The following PHACTR1 variants were observed in gnomAD, a reference collection of about 807,000 sequenced individuals.
PHACTR1 encodes the protein RPEL repeat containing 1.
In PHACTR1, 16 loss-of-function variants were observed where a neutral mutation model predicts 69.2. That is an observed-to-expected ratio of 0.23 (90% CI 0.16 to 0.35). PHACTR1 has a LOEUF of 0.35. Ranked by LOEUF, PHACTR1 falls within the 10% of genes least tolerant of loss-of-function variation. The pLI is 1.00. For synonymous variants in PHACTR1, 312 were observed against 284.5 expected (o/e 1.10, Z -0.97); for missense variants, 510 against 734.7 (o/e 0.69, Z 3.54).
chr6:13,061,940 C>T lies in PHACTR1; in HGVS notation c.415+8411C>T, dbSNP rs571224941. 3.3e-5 allele frequency among the ~76,000 whole-genome samples: 5 copies of T among 152,196 alleles called. No individual in the cohort carries two copies. In the East Asian group the frequency reaches 7.7e-4, roughly 23 times the overall value. On this transcript the variant is annotated intron_variant, in intron 5 of 14. Coordinates refer to ENST00000332995, the MANE Select transcript of PHACTR1 (RefSeq NM_030948.6). ...TGTTTCGCTCCAGCTATTAGGAGAC[C>T]CACCTAATATAGGTAAAGTAGTACG... is the stretch of plus-strand genomic sequence containing the variant.
intron 6 of PHACTR1, among the ~76,000 whole-genome samples, chr6:13,161,186 C>T (rs1030189513): frequency 1.1e-4 from 17 of 152,124 alleles, no homozygotes; most frequent in African/African-American, 4.1e-4. Context: ...ACTATGTTGC[C>T]CAGGCTGGTC....
chr6:12,848,545 G>T (rs1779520279), intron 4 of PHACTR1, among the ~76,000 whole-genome samples: 1 of 152,144 alleles, frequency 6.6e-6, no homozygotes, highest in Non-Finnish European at 1.5e-5. Flanking sequence ...GAGGGGAGGG[G>T]CATTTGATAA....
chr6:12,910,320 T>C (rs1364009234), intron 4 of PHACTR1, among the ~76,000 whole-genome samples: 1 of 152,192 alleles, frequency 6.6e-6, no homozygotes, highest in African/African-American at 2.4e-5. Context: ...TGTCTCCCAC[T>C]TGCCAGTTCA....
chr6:13,112,360 A>G (rs771884193), intron 5 of PHACTR1, among the ~76,000 whole-genome samples: 21 of 152,196 alleles, frequency 1.4e-4, no homozygotes, highest in Non-Finnish European at 2.8e-4. Flanking sequence ...TGTCTTTATA[A>G]TAAAATGATT....
chr6:13,024,094 C>T (rs146931015), intron 4 of PHACTR1, among the ~76,000 whole-genome samples: 2 of 148,778 alleles, frequency 1.3e-5, no homozygotes, highest in Admixed American at 6.7e-5. Flanking sequence ...AAAAAAAAAA[C>T]GGGAATAACA....
chr6:13,059,582 A>G (rs1226600440), intron 5 of PHACTR1, among the ~76,000 whole-genome samples: 1 of 152,196 alleles, frequency 6.6e-6, no homozygotes, highest in African/African-American at 2.4e-5. Flanking sequence ...GGTTGTATGC[A>G]TAGGTCCAAA....
rs1765843367 is a variant in PHACTR1, at chr6:13,205,962, T to G, written c.812T>G (p.Val271Gly). ...GCCCAGAAGAGTGGCCAGCAGGGTGTGGCCCAGCACCACCACACTGTCCTG... is the reference window on the plus strand; with the variant it reads ...GCCCAGAAGAGTGGCCAGCAGGGTGGGGCCCAGCACCACCACACTGTCCTG... ...YTAQKSGQQG[V>G]AQHHHTVLPS... The change falls in exon 8 of 15, where the codon GTG becomes GGG. Residue 271 changes from valine (V) to glycine (G), a missense_variant. Transcript: ENST00000332995. 1 of 1,613,866 alleles carries G rather than the reference T, an allele frequency of 6.2e-7. No individual in the cohort carries two copies. The highest frequency in any genetic ancestry group is 1.3e-5 in the African/African-American group (1 of 74,904).
chr6:13,078,937 G>T (rs1810953405), intron 5 of PHACTR1, among the ~76,000 whole-genome samples: 1 of 152,166 alleles, frequency 6.6e-6, no homozygotes, highest in African/African-American at 2.4e-5. Flanking sequence ...TGCCCATTTT[G>T]CTGTTTGGGG....
chr6:13,096,639 C>G (rs1053121540), intron 5 of PHACTR1, among the ~76,000 whole-genome samples: 1 of 152,136 alleles, frequency 6.6e-6, no homozygotes. Flanking sequence ...TGATGAGACT[C>G]AGGGAATTGA....
chr6:12,830,922 A>G (rs1777497233), intron 4 of PHACTR1, among the ~76,000 whole-genome samples: 1 of 152,096 alleles, frequency 6.6e-6, no homozygotes, highest in Non-Finnish European at 1.5e-5. Flanking sequence ...TTTTGAAAAA[A>G]ATGTTTATGG....
intron 4 of PHACTR1, among the ~76,000 whole-genome samples, chr6:12,781,490 G>T (rs899829232): frequency 2.4e-4 from 36 of 152,192 alleles, no homozygotes; most frequent in African/African-American, 8.7e-4. Flanking sequence ...GCCTACACGG[G>T]CTCTAGGATT....
intron 4 of PHACTR1, among the ~76,000 whole-genome samples, chr6:12,848,668 C>A (rs902079366): frequency 6.6e-6 from 1 of 152,092 alleles, no homozygotes; most frequent in South Asian, 2.1e-4. Context: ...TTACTGATCA[C>A]TTTGAAAATA....
chr6:13,102,431 A>G (rs1419989001), intron 5 of PHACTR1, among the ~76,000 whole-genome samples: 1 of 152,218 alleles, frequency 6.6e-6, no homozygotes, highest in Non-Finnish European at 1.5e-5. Context: ...GGAACCAAAA[A>G]CACAGTGAAT....
At chr6:13,157,845 C>CGCTGTGCT (rs58475436) in intron 5 of PHACTR1, among the ~76,000 whole-genome samples, 6,673 of 152,088 alleles carry the variant, frequency 0.044, 370 homozygotes, top group East Asian at 0.13. Context: ...AGTCTTCTTC[C>CGCTGTGCT]GCTGTGCTGC....
intron 4 of PHACTR1, among the ~76,000 whole-genome samples, chr6:13,007,159 G>T (rs937847887): frequency 6.6e-6 from 1 of 152,094 alleles, no homozygotes; most frequent in Non-Finnish European, 1.5e-5. Context: ...AATTTATGCA[G>T]TCATTCCTTT....
rs1408448147 is a variant in PHACTR1, at chr6:12,796,393, A to G, written c.250+46603A>G. Among the ~76,000 whole-genome samples, 8 of 152,178 alleles carry G rather than the reference A, an allele frequency of 5.3e-5. No individual in the cohort carries two copies. The East Asian group carries it at 1.5e-3, about 29-fold the overall frequency. On this transcript the variant is annotated intron_variant, in intron 4 of 14. Transcript: ENST00000332995. ...TCATGAGACCTTGTTCCCAGTACAG[A>G]CTCTGAACCAGCAGCAGTATTTATC...
At chr6:13,064,563 T>A (rs1416761288) in intron 5 of PHACTR1, among the ~76,000 whole-genome samples, 394 of 2,312 alleles carry the variant, frequency 0.17, 63 homozygotes, top group African/African-American at 0.39. Flanking sequence ...TATATATATA[T>A]ATATATATAT....
At chr6:13,007,070 T>C (rs1378311148) in intron 4 of PHACTR1, among the ~76,000 whole-genome samples, 2 of 152,234 alleles carry the variant, frequency 1.3e-5, no homozygotes, top group Non-Finnish European at 2.9e-5. Flanking sequence ...TTTAACAATA[T>C]ATTGTGGAAA....
chr6:13,062,468 G>A (rs928604643), intron 5 of PHACTR1, among the ~76,000 whole-genome samples: 19 of 152,202 alleles, frequency 1.2e-4, no homozygotes, highest in Non-Finnish European at 1.8e-4. Flanking sequence ...TTTAACAACC[G>A]CTATGTCCCA....
Sources: allele counts gnomAD v4.1 joint callset (sites outside exome capture counted in the v4.1 genomes callset), GRCh38; gene constraint gnomAD v4.1.1; transcripts MANE v1.5; gene names NCBI Gene and HGNC (gene_info 2026-07-23, HGNC 2026-07-21).